DMXL1: variants seen among roughly 807,000 people sequenced by gnomAD.
DMXL1 encodes the protein Dmx like 1.
Under a neutral mutation model 319.2 loss-of-function variants are expected in DMXL1, and 99 were observed. The ratio of observed to expected loss-of-function variants is 0.31; its 90% CI spans 0.26 to 0.37. The LOEUF (loss-of-function observed/expected upper bound fraction) is 0.37, where lower values mean the gene tolerates loss of function less well. Ranked by LOEUF, DMXL1 falls within the 10% of genes least tolerant of loss-of-function variation. The pLI is 1.00. For missense variants in DMXL1, 3,745 were observed against 3,595.6 expected, an observed-to-expected ratio of 1.04 and a Z score of -1.06; for synonymous variants, 1,385 against 1,235.2, an observed-to-expected ratio of 1.12 and a Z score of -2.54.
At chr5:119,212,963 C>G (rs1317484836) in intron 34 of DMXL1, among the ~76,000 whole-genome samples, 2 of 152,040 alleles carry the variant, frequency 1.3e-5, no homozygotes, top group Non-Finnish European at 2.9e-5. Context: ...TTGAAAATTC[C>G]CAAACCTTCT....
At chr5:119,170,009 G>C (rs957681304) in intron 23 of DMXL1, among the ~76,000 whole-genome samples, 181 bp from the exon 24 acceptor site, 2 of 152,146 alleles carry the variant, frequency 1.3e-5, no homozygotes, top group African/African-American at 4.8e-5. Context: ...TACTTTGTTA[G>C]AACATGTTCA....
intron 10 of DMXL1, among the ~76,000 whole-genome samples, chr5:119,130,406 A>C (rs1429875199): frequency 1.3e-5 from 2 of 151,674 alleles, no homozygotes; most frequent in Non-Finnish European, 2.9e-5. Flanking sequence ...GCAGTGGCAC[A>C]ATCTTGGCTC....
intron 32 of DMXL1, among the ~76,000 whole-genome samples, chr5:119,201,048 A>G (rs1055933461): frequency 1.3e-5 from 2 of 152,028 alleles, no homozygotes; most frequent in African/African-American, 4.8e-5. Context: ...TCCTATGTGG[A>G]TGCCTTTTAT....
intron 1 of DMXL1, among the ~76,000 whole-genome samples, chr5:119,076,618 T>G (rs1380124964): frequency 6.6e-6 from 1 of 152,232 alleles, no homozygotes; most frequent in Non-Finnish European, 1.5e-5. Flanking sequence ...ATGATAGTAG[T>G]TCTCAATACT....
At position 119,149,177 on chromosome 5, in the gene DMXL1, T is replaced by G; in HGVS notation, c.3350T>G (p.Val1117Gly). 1 of 1,613,894 alleles carries G rather than the reference T, an allele frequency of 6.2e-7. No individual in the cohort carries two copies. The highest frequency in any genetic ancestry group is 8.5e-7 in the Non-Finnish European group (1 of 1,179,830). The change falls in exon 18 of 44, where the codon GTG (valine) becomes GGG (glycine). Residue 1117 changes from valine (V) to glycine (G), a missense_variant. This residue lies in a region of DMXL1 where 2,096 missense variants were observed against 1,985.4 expected (regional missense o/e 1.06). Transcript: ENST00000539542. ...DSGISVDSNL[V>G]AYNKQDMYLS... is the part of the protein sequence containing the mutation. ...GGCATTAGTGTTGATAGCAATTTAGTGGCCTATAATAAACAAGACATGTAT... is the reference window on the plus strand; with the variant it reads ...GGCATTAGTGTTGATAGCAATTTAGGGGCCTATAATAAACAAGACATGTAT...
intron 28 of DMXL1, among the ~76,000 whole-genome samples, chr5:119,186,846 TGTA>T (rs976568214): frequency 1.3e-5 from 2 of 151,676 alleles, no homozygotes; most frequent in Non-Finnish European, 2.9e-5. Context: ...TGTATTTGTC[TGTA>T]CAGTCTACTA....
chr5:119,073,939 A>G (rs1273803184), intron 1 of DMXL1, among the ~76,000 whole-genome samples: 1 of 149,616 alleles, frequency 6.7e-6, no homozygotes, highest in East Asian at 2.0e-4. Context: ...TTTTTTTGAG[A>G]CGGAGTTTCG....
intron 9 of DMXL1, among the ~76,000 whole-genome samples, chr5:119,125,397 C>T (rs554164099): frequency 4.3e-4 from 65 of 152,238 alleles, no homozygotes; most frequent in African/African-American, 1.5e-3. Flanking sequence ...AGGAAAGTTT[C>T]CTTGTTGGTT....
chr5:119,137,680 C>A (rs564696038), intron 13 of DMXL1, among the ~76,000 whole-genome samples: 72 of 152,200 alleles, frequency 4.7e-4, no homozygotes, highest in Non-Finnish European at 3.7e-4. Context: ...GTTTCCCCTG[C>A]ATGCTTTCTT....
chr5:119,140,396 A>C (rs1290847434), intron 13 of DMXL1, among the ~76,000 whole-genome samples: 2 of 152,158 alleles, frequency 1.3e-5, no homozygotes, highest in Non-Finnish European at 2.9e-5. Context: ...GAAAATCCAA[A>C]TAAACCCAAT....
Position 119,071,581 on chromosome 5 carries a change from C to G in DMXL1, c.12C>G (p.His4Gln), listed in dbSNP as rs1169354483. The change falls in exon 1 of 44, where the codon CAC (histidine) becomes CAG (glutamine). Residue 4 changes from histidine (H) to glutamine (Q), a missense_variant. Coordinates refer to ENST00000539542, the MANE Select transcript of DMXL1 (RefSeq NM_001290321.3). MNL[H>Q]QVLTGAVNPG... is the part of the protein sequence containing the mutation. Reference sequence around the variant, plus strand: ...ACTAGGGCGCCGACATGAACCTGCACCAGGTGCTGACCGGGGCTGTGAACC... The same window carrying G: ...ACTAGGGCGCCGACATGAACCTGCAGCAGGTGCTGACCGGGGCTGTGAACC... 1 of 1,605,662 alleles carries G rather than the reference C, an allele frequency of 6.2e-7. No individual in the cohort carries two copies. The highest frequency in any genetic ancestry group is 8.5e-7 in the Non-Finnish European group (1 of 1,176,472).
intron 39 of DMXL1, 58 bp from the exon 40 acceptor site, chr5:119,237,264 G>T: frequency 9.5e-7 from 1 of 1,053,100 alleles, no homozygotes; most frequent in Non-Finnish European, 1.4e-6. Context: ...TGAGGGTAAG[G>T]ATAAATATAT....
chr5:119,083,976 G>C (rs1052349417), intron 1 of DMXL1, among the ~76,000 whole-genome samples: 15 of 152,128 alleles, frequency 9.9e-5, no homozygotes, highest in African/African-American at 3.4e-4. Flanking sequence ...CTTGTTAAAA[G>C]CCATTTTAAC....
chr5:119,076,376 A>C (rs1750868423), intron 1 of DMXL1, among the ~76,000 whole-genome samples: 1 of 152,056 alleles, frequency 6.6e-6, no homozygotes, highest in African/African-American at 2.4e-5. Flanking sequence ...TGTAATTGCC[A>C]AATTGGGAGG....
intron 6 of DMXL1, 37 bp from the exon 7 acceptor site, chr5:119,116,121 T>C (rs777963337): frequency 8.2e-5 from 128 of 1,551,670 alleles, no homozygotes; most frequent in Non-Finnish European, 1.1e-4. Context: ...TTAATTCTGA[T>C]CTCCATGATT....
At chr5:119,217,116 C>CT (rs1269795549) in intron 35 of DMXL1, 129 bp downstream of exon 35, 1 of 503,662 alleles carries the variant, frequency 2.0e-6, no homozygotes, top group Non-Finnish European at 3.4e-6. Flanking sequence ...AATCTGGATA[C>CT]TTTTTTAATT....
At chr5:119,180,833 T>C (rs1776650649) in intron 28 of DMXL1, among the ~76,000 whole-genome samples, 1 of 152,246 alleles carries the variant, frequency 6.6e-6, no homozygotes, top group South Asian at 2.1e-4. Flanking sequence ...ATTTTGACCA[T>C]ATTTTTAATA....
Position 119,082,020 on chromosome 5 carries a change from T to TACACACAC in DMXL1, c.87+10394_87+10401dup, listed in dbSNP as rs565047535. 4.6e-3 allele frequency among the ~76,000 whole-genome samples: 502 copies of TACACACAC among 108,110 alleles called. 1 individual carries two copies. The highest frequency in any genetic ancestry group is 7.4e-3 in the Non-Finnish European group (426 of 57,450). 70.9% of individuals were successfully genotyped at this position (108,110 alleles called of 152,430 possible). On this transcript the variant is annotated intron_variant, in intron 1 of 43. Coordinates refer to ENST00000539542, the MANE Select transcript of DMXL1 (RefSeq NM_001290321.3). The stretch of plus-strand genomic sequence containing the variant: ...GGTTATATATATATATATATATATA[T>TACACACAC]ACACACACACACACACACACACACA...
chr5:119,174,975 A>G (rs1189051206), intron 25 of DMXL1, among the ~76,000 whole-genome samples: 2 of 152,208 alleles, frequency 1.3e-5, no homozygotes, highest in Admixed American at 6.6e-5. Context: ...TTCATGCTCT[A>G]CTGGAGAGCT....
Sources: allele counts gnomAD v4.1 joint callset (sites outside exome capture counted in the v4.1 genomes callset), GRCh38; gene constraint gnomAD v4.1.1; regional missense constraint gnomAD v4.1.1; transcripts MANE v1.5; gene names NCBI Gene and HGNC (gene_info 2026-07-23, HGNC 2026-07-21).